Variants in SNRNP40 observed in about 807,000 individuals in gnomAD.
SNRNP40 encodes the protein U5 small nuclear ribonucleoprotein 40 kDa protein.
A neutral mutation model predicts 45.8 loss-of-function variants in SNRNP40; 21 were observed. The observed-to-expected ratio is 0.46, with a 90% CI of 0.32 to 0.66. The LOEUF (loss-of-function observed/expected upper bound fraction) is 0.66. SNRNP40 is among the 30% of genes least tolerant of loss of function. SNRNP40 has a pLI of 0.03. For synonymous variants in SNRNP40, 142 were observed against 163.8 expected (o/e 0.87, Z 1.01); for missense variants, 344 against 439.1 (o/e 0.78, Z 1.94).
rs1004580021 is a variant in SNRNP40, at chr1:31,262,504, G to C, written c.921-872C>G. 1.5e-4 allele frequency among the ~76,000 whole-genome samples: 17 copies of C among 114,998 alleles called. 1 individual carries two copies. The highest frequency in any genetic ancestry group is 5.6e-4 in the African/African-American group (16 of 28,638). The allele number at this position is 114,998 out of a possible 152,430, so 75.4% of individuals were successfully genotyped here. ...GCACTGCCCTCTAGCCTGGGTGACA[G>C]AGTGAGACTCCATCTCCAAAAAAAA... is the stretch of plus-strand genomic sequence containing the variant. On this transcript the variant is annotated intron_variant, in intron 8 of 9. Transcript: ENST00000263694.
intron 3 of SNRNP40, among the ~76,000 whole-genome samples, chr1:31,291,381 T>G (rs1314591696): frequency 6.6e-6 from 1 of 152,048 alleles, no homozygotes; most frequent in Non-Finnish European, 1.5e-5. Flanking sequence ...TCAAAAGAAA[T>G]GATTTTTATA....
chr1:31,295,070 C>T (rs1425416150), intron 1 of SNRNP40, among the ~76,000 whole-genome samples: 1 of 151,948 alleles, frequency 6.6e-6, no homozygotes, highest in East Asian at 1.9e-4. Flanking sequence ...AACAAGCAAA[C>T]TATATATGTG....
chr1:31,288,710 T>C (rs930996971), intron 4 of SNRNP40, among the ~76,000 whole-genome samples: 2 of 150,770 alleles, frequency 1.3e-5, no homozygotes, highest in African/African-American at 2.4e-5. Flanking sequence ...GAGATACTCA[T>C]AACAGCCTTG....
intron 8 of SNRNP40, among the ~76,000 whole-genome samples, chr1:31,267,398 T>C (rs751094736): frequency 5.3e-5 from 8 of 152,204 alleles, no homozygotes; most frequent in Non-Finnish European, 1.2e-4. Context: ...AATGATCTGT[T>C]TGTCGAACAC....
chr1:31,262,521 C>CAAA (rs57503418), intron 8 of SNRNP40, among the ~76,000 whole-genome samples: 23 of 40,560 alleles, frequency 5.7e-4, no homozygotes, highest in Admixed American at 2.4e-3. Context: ...ACTCCATCTC[C>CAAA]AAAAAAAAAA....
At chr1:31,296,175 T>C (rs1268464689) in intron 1 of SNRNP40, among the ~76,000 whole-genome samples, 1 of 152,198 alleles carries the variant, frequency 6.6e-6, no homozygotes, top group Admixed American at 6.5e-5. Context: ...TTGTTAATAA[T>C]ACTAGTGCAG....
intron 5 of SNRNP40, among the ~76,000 whole-genome samples, chr1:31,279,202 G>A (rs148607936): frequency 3.3e-5 from 5 of 152,282 alleles, no homozygotes; most frequent in East Asian, 3.9e-4. Context: ...GTTCCATCAC[G>A]TATTAGCTGT....
intron 5 of SNRNP40, among the ~76,000 whole-genome samples, chr1:31,277,088 T>C (rs1272995991): frequency 6.6e-6 from 1 of 151,970 alleles, no homozygotes; most frequent in Admixed American, 6.6e-5. Flanking sequence ...TCCCAGCTAC[T>C]TGGGAGGCTG....
At position 31,281,331 on chromosome 1, in the gene SNRNP40, G is replaced by A. The variant is rs762394215; in HGVS notation, c.654+43C>T. 1.6e-5 allele frequency: 25 copies of A among 1,517,510 alleles called. No individual in the cohort carries two copies. The East Asian group carries it at 5.5e-4, about 34-fold the overall frequency. 94.0% of individuals were successfully genotyped at this position (1,517,510 alleles called of 1,614,324 possible). ...AGTTTGAAAAAATTCGTTTCTAAGT[G>A]CAGATAGATGAAATGGAAATATATC... On this transcript the variant is annotated intron_variant, in intron 5 of 9. Coordinates refer to ENST00000263694, the MANE Select transcript of SNRNP40 (RefSeq NM_004814.3).
In SNRNP40 at chr1:31,293,225, G is replaced by T; in HGVS notation, c.265C>A (p.Leu89Met). The stretch of plus-strand genomic sequence containing the variant: ...TTCAAAAACTATGCCTCACATATCA[G>T]TCGGTCAAATCCTGCAGATGCTAAG... ...STLASAGFDR[L>M]ILLWNVYGDC... The change falls in exon 2 of 10, where the codon CTG becomes ATG. Residue 89 changes from leucine (L) to methionine (M), a missense_variant. Physicochemically the swap from Leu to Met is conservative, Grantham distance 15. Coordinates refer to ENST00000263694, the MANE Select transcript of SNRNP40 (RefSeq NM_004814.3). 2 of 1,613,856 alleles carry T rather than the reference G, an allele frequency of 1.2e-6. No individual in the cohort carries two copies. The highest frequency in any genetic ancestry group is 2.2e-5 in the South Asian group (2 of 91,056).
intron 4 of SNRNP40, among the ~76,000 whole-genome samples, chr1:31,285,643 C>G (rs751681404): frequency 6.6e-6 from 1 of 152,142 alleles, no homozygotes; most frequent in African/African-American, 2.4e-5. Context: ...ACCATTTTAT[C>G]CTCAAATCCC....
intron 5 of SNRNP40, among the ~76,000 whole-genome samples, chr1:31,272,576 T>G (rs1379245041): frequency 6.6e-6 from 1 of 152,208 alleles, no homozygotes; most frequent in Non-Finnish European, 1.5e-5. Flanking sequence ...TGTTTCCTGG[T>G]CTGTAAGATT....
intron 1 of SNRNP40, among the ~76,000 whole-genome samples, chr1:31,294,999 T>TA (rs1646131992): frequency 6.9e-6 from 1 of 145,946 alleles, no homozygotes; most frequent in African/African-American, 2.5e-5. Flanking sequence ...ATGAACAAAA[T>TA]AAACAATGGA....
rs113358246 is a variant in SNRNP40, at chr1:31,266,215, C to G, written c.920+1656G>C. 2.0e-3 allele frequency among the ~76,000 whole-genome samples: 302 copies of G among 152,296 alleles called. 1 individual carries two copies. The highest frequency in any genetic ancestry group is 7.1e-3 in the African/African-American group (296 of 41,556). The stretch of plus-strand genomic sequence containing the variant: ...TATGGGACAGATCACAGTGCAGCTT[C>G]TGTGTGGCAGCGTTAGGGCCCCAAA... On this transcript the variant is annotated intron_variant, in intron 8 of 9. Transcript: ENST00000263694.
At position 31,260,091 on chromosome 1, in the gene SNRNP40, TAC is replaced by T; in HGVS notation, c.1053_1054del (p.Met353GlyfsTer24). On this transcript the variant is annotated frameshift_variant, in exon 10 of 10. Transcript: ENST00000263694. LOFTEE classifies it high-confidence loss of function. ...ATATCTTCACTGAATCTCTCCCATA[TAC>T]AGTCTCTTGTCACTCGATGCTGAGA... 3 of 1,610,326 alleles carry T rather than the reference TAC, an allele frequency of 1.9e-6. No individual in the cohort carries two copies. Among genetic ancestry groups the T allele is most frequent in the Non-Finnish European group, 2.5e-6 (3 of 1,177,592 alleles).
At chr1:31,294,683 T>C (rs1187251847) in intron 1 of SNRNP40, among the ~76,000 whole-genome samples, 1 of 152,092 alleles carries the variant, frequency 6.6e-6, no homozygotes, top group East Asian at 1.9e-4. Flanking sequence ...CTCACACCTG[T>C]AATCCCAGCA....
At chr1:31,282,809 G>A (rs901542695) in intron 4 of SNRNP40, among the ~76,000 whole-genome samples, 1 of 152,062 alleles carries the variant, frequency 6.6e-6, no homozygotes, top group Non-Finnish European at 1.5e-5. Context: ...CCGAGTAGGT[G>A]GGATTACAGG....
Position 31,269,236 on chromosome 1 carries a change from A to T in SNRNP40, c.780T>A (p.Arg260=). 1 of 1,613,114 alleles carries T rather than the reference A, an allele frequency of 6.2e-7. No individual in the cohort carries two copies. Among genetic ancestry groups the T allele is most frequent in the Non-Finnish European group, 8.5e-7 (1 of 1,179,674 alleles). ...LLSNAMDNTV[R]VWDVRPFAPK... ...GGGCAAATGGCCGGACATCCCAGAC[A>T]CGAACTGCAAAACAAATCCAAATAA... The change falls in exon 7 of 10, where the codon CGT becomes CGA. Residue 260 remains arginine, a synonymous_variant. Coordinates refer to ENST00000263694, the MANE Select transcript of SNRNP40 (RefSeq NM_004814.3).
intron 8 of SNRNP40, 31 bp downstream of exon 8, chr1:31,267,840 C>G: frequency 1.9e-6 from 3 of 1,578,618 alleles, no homozygotes; most frequent in Non-Finnish European, 1.7e-6. Flanking sequence ...CCAGCTACAT[C>G]ATTCTTTACT....
Sources: allele counts gnomAD v4.1 joint callset (sites outside exome capture counted in the v4.1 genomes callset), GRCh38; gene constraint gnomAD v4.1.1; transcripts MANE v1.5; gene names NCBI Gene and HGNC (gene_info 2026-07-23, HGNC 2026-07-21).